The following KCNH3 variants were observed in gnomAD, a reference collection of about 807,000 sequenced individuals.
The protein encoded by KCNH3 is potassium voltage-gated channel subfamily H member 3.
Under a neutral mutation model 95.6 loss-of-function variants are expected in KCNH3, and 36 were observed. The ratio of observed to expected loss-of-function variants is 0.38; its 90% CI spans 0.29 to 0.50. The LOEUF (loss-of-function observed/expected upper bound fraction) is 0.50. KCNH3 is among the 20% of genes least tolerant of loss of function. The pLI is 0.95. For missense variants in KCNH3, 1,030 were observed against 1,484.1 expected, an observed-to-expected ratio of 0.69 and a Z score of 5.03; for synonymous variants, 620 against 646.3, an observed-to-expected ratio of 0.96 and a Z score of 0.62.
Position 49,550,154 on chromosome 12 carries a change from A to G in KCNH3, c.1743A>G (p.Pro581=). ...MHLHKEVLQL[P]LFEAASRGCL... ...TGCACAAGGAGGTCCTGCAGCTGCC[A>G]CTGTTTGAGGCGGCCAGCCGCGGCT... Residue 581 remains proline, a synonymous_variant, in exon 10 of 15, where the codon CCA becomes CCG. Transcript: ENST00000257981. 6.3e-7 allele frequency: 1 copy of G among 1,593,328 alleles called. No homozygotes were observed. The highest frequency in any genetic ancestry group is 1.3e-5 in the African/African-American group (1 of 74,280).
In KCNH3 at chr12:49,555,817, T is replaced by C; in HGVS notation, c.2334T>C (p.Arg778=). The change falls in exon 12 of 15, where the codon CGT becomes CGC. Residue 778 remains arginine, a synonymous_variant. Transcript: ENST00000257981. ...LSPRRTAPRP[R]LGGRGRPGRA... is the part of the protein sequence containing the mutation. The stretch of plus-strand genomic sequence containing the variant: ...CACGTCGAACAGCACCCCGGCCTCG[T>C]CTAGGTGGCAGAGGGAGGCCAGGCA... 6.2e-7 allele frequency: 1 copy of C among 1,613,434 alleles called. No homozygotes were observed. The highest frequency in any genetic ancestry group is 8.5e-7 in the Non-Finnish European group (1 of 1,179,870).
intron 10 of KCNH3, among the ~76,000 whole-genome samples, chr12:49,552,892 A>C (rs1251433089): frequency 6.6e-6 from 1 of 152,244 alleles, no homozygotes; most frequent in African/African-American, 2.4e-5. Context: ...CCTGAAACCA[A>C]GAAAATCAAG....
rs374616553 is a variant in KCNH3, at chr12:49,541,289, C to T, written c.310+157C>T. On this transcript the variant is annotated intron_variant, in intron 2 of 14. Coordinates refer to ENST00000257981, the MANE Select transcript of KCNH3 (RefSeq NM_012284.3). ...CCCCATCCAACCCCTCTTGCTCCAT[C>T]CCACCTCTTGCCCCGGCTCCCCATC... Among the ~76,000 whole-genome samples the T allele has an allele frequency of 5.0e-4, 76 of 152,332 alleles. 1 individual carries two copies. The highest frequency in any genetic ancestry group is 1.7e-3 in the African/African-American group (72 of 41,572).
chr12:49,547,334 C>T (rs1442192684), intron 7 of KCNH3, among the ~76,000 whole-genome samples: 2 of 152,232 alleles, frequency 1.3e-5, no homozygotes, highest in Non-Finnish European at 2.9e-5. Context: ...TCTAGCCAAA[C>T]TCAGCTACTT....
At chr12:49,542,148 G>C (rs932419619) in intron 3 of KCNH3, among the ~76,000 whole-genome samples, 23 of 152,304 alleles carry the variant, frequency 1.5e-4, no homozygotes, top group African/African-American at 5.5e-4. Flanking sequence ...TAAGTTCTTC[G>C]AGTCTTTCCC....
Position 49,549,518 on chromosome 12 carries a change from A to G in KCNH3, c.1546A>G (p.Ser516Gly), listed in dbSNP as rs1938186199. 1 of 1,613,608 alleles carries G rather than the reference A, an allele frequency of 6.2e-7. No individual in the cohort carries two copies. The highest frequency in any genetic ancestry group is 1.3e-5 in the African/African-American group (1 of 74,940). Residue 516 changes from serine to glycine, a missense_variant, in exon 9 of 15, where the codon AGC (serine) becomes GGC (glycine). This residue lies in a region of KCNH3 where 160 missense variants were observed against 316.2 expected (regional missense o/e 0.51). Transcript: ENST00000257981. ...RMYARRFLYHSRTRDLRDYIR... is the reference protein window; with the variant it reads ...RMYARRFLYHGRTRDLRDYIR... ...GTACGCCCGCCGCTTTCTGTACCAC[A>G]GCCGCACGCGCGACCTGCGCGACTA...
chr12:49,553,220 C>G (rs907477085), intron 10 of KCNH3, among the ~76,000 whole-genome samples: 5 of 151,980 alleles, frequency 3.3e-5, no homozygotes, highest in Admixed American at 2.0e-4. Flanking sequence ...ACTGCAGCCT[C>G]GACCTACTGG....
chr12:49,555,492 G>A, intron 11 of KCNH3, 128 bp from the exon 12 acceptor site: 1 of 513,224 alleles, frequency 1.9e-6, no homozygotes. Context: ...CCTTCAGTTA[G>A]AATAGATGTT....
In KCNH3 at chr12:49,544,266, T is replaced by G; in HGVS notation, c.1073T>G (p.Val358Gly). The G allele has an allele frequency of 6.2e-7, 1 of 1,609,024 alleles. No homozygotes were observed. The highest frequency in any genetic ancestry group is 8.5e-7 in the Non-Finnish European group (1 of 1,178,868). Residue 358 changes from valine to glycine, a missense_variant, in exon 7 of 15, where the codon GTG becomes GGG. Val to Gly is a moderately radical substitution (Grantham distance 109, BLOSUM62 -3). Around this residue, in one of 9 missense-constraint regions of KCNH3, gnomAD observed 153 missense variants for 288.5 expected, o/e 0.53. Transcript: ENST00000257981. ...GACCGGTACTCGCAGTACAGCGCCG[T>G]GGTGCTGACACTGCTCATGGCCGTG... is the stretch of plus-strand genomic sequence containing the variant. The part of the protein sequence containing the change: ...RLDRYSQYSA[V>G]VLTLLMAVFA...
intron 10 of KCNH3, among the ~76,000 whole-genome samples, 168 bp from the exon 11 acceptor site, chr12:49,554,169 C>T (rs17123764): frequency 0.087 from 13,247 of 152,256 alleles, 668 homozygotes; most frequent in African/African-American, 0.14. Flanking sequence ...AGGCTGCAGG[C>T]GTCAGGCCAT....
chr12:49,556,054 C>G, intron 12 of KCNH3, 103 bp downstream of exon 12: 2 of 644,138 alleles, frequency 3.1e-6, no homozygotes, highest in Non-Finnish European at 5.4e-6. Context: ...TCTTAACTCC[C>G]GCTAGTCTAT....
Position 49,557,341 on chromosome 12 carries a change from C to T in KCNH3, c.2653-13C>T, listed in dbSNP as rs375459076. The T allele has an allele frequency of 6.2e-7, 1 of 1,610,116 alleles. No homozygotes were observed. Among genetic ancestry groups the T allele is most frequent in the African/African-American group, 1.3e-5 (1 of 74,984 alleles). ...TGACTCCATTCTGACCTCGCCTCCT[C>T]CCTCCCCCAAAGGTGACAGAGCTGT... On this transcript the variant is annotated splice_polypyrimidine_tract_variant and intron_variant, in intron 14 of 14. Transcript: ENST00000257981.
At position 49,542,794 on chromosome 12, in the gene KCNH3, C is replaced by T. The variant is rs765060169; in HGVS notation, c.534C>T (p.Ser178=). The T allele has an allele frequency of 1.2e-5, 20 of 1,601,638 alleles. No homozygotes were observed. The highest frequency in any genetic ancestry group is 2.7e-5 in the African/African-American group (2 of 74,874). ...GCCGGGCCGTGCTCTACCACCTGTC[C>T]GGGCACCTGCAGAAGCAGCCCAAGG... ...RRSRAVLYHL[S]GHLQKQPKGK... Residue 178 remains serine, a synonymous_variant, in exon 4 of 15, where the codon TCC becomes TCT. Coordinates refer to ENST00000257981, the MANE Select transcript of KCNH3 (RefSeq NM_012284.3).
chr12:49,556,421 T>C lies in KCNH3; in HGVS notation c.2520T>C (p.Ser840=), dbSNP rs143614870. The C allele has an allele frequency of 4.8e-4, 771 of 1,614,078 alleles. 4 individuals carry two copies. The African/African-American group carries it at 8.5e-3, about 18-fold the overall frequency. ...DGCGSDQPKF[S]FRVGQSGPEC... is the part of the protein sequence containing the mutation. ...GTGGCTCGGACCAGCCCAAGTTCTC[T>C]TTCCGCGTGGGCCAGTCTGGCCCGG... Residue 840 remains serine (S), a synonymous_variant, in exon 13 of 15, where the codon TCT becomes TCC. Coordinates refer to ENST00000257981, the MANE Select transcript of KCNH3 (RefSeq NM_012284.3).
chr12:49,555,508 T>G (rs1221856085), intron 11 of KCNH3, 112 bp from the exon 12 acceptor site: 2 of 581,480 alleles, frequency 3.4e-6, no homozygotes, highest in African/African-American at 1.9e-5. Context: ...ATGTTGGCTA[T>G]TCTAACAAAG....
At chr12:49,549,310 G>A in intron 8 of KCNH3, 131 bp from the exon 9 acceptor site, 1 of 1,455,458 alleles carries the variant, frequency 6.9e-7, no homozygotes, top group Non-Finnish European at 9.3e-7. Flanking sequence ...GCCGGGGGTG[G>A]GGGAGACTTC....
intron 3 of KCNH3, among the ~76,000 whole-genome samples, 193 bp from the exon 4 acceptor site, chr12:49,542,513 T>C (rs554878371): frequency 6.6e-6 from 1 of 152,356 alleles, no homozygotes. Flanking sequence ...TAAACACTCC[T>C]AGGACTGCCC....
At chr12:49,550,047 A>ACCCCCCC in intron 9 of KCNH3, 33 bp from the exon 10 acceptor site, 64 of 539,766 alleles carry the variant, frequency 1.2e-4, no homozygotes, top group Non-Finnish European at 1.8e-4. Flanking sequence ...TGCCACTCCC[A>ACCCCCCC]ACCCCCCCAC....
chr12:49,549,621 A>G lies in KCNH3; in HGVS notation c.1649A>G (p.Asn550Ser), dbSNP rs750500026. The stretch of plus-strand genomic sequence containing the variant: ...TTCCAGGCCACCTGGGCGGTGAACA[A>G]TGGCATCGACACCACCGAGGTGCGG... ...EYFQATWAVN[N>S]GIDTTELLQS... The change falls in exon 9 of 15, where the codon AAT becomes AGT. Residue 550 changes from asparagine (N) to serine (S), a missense_variant. This residue lies in a region of KCNH3 where 160 missense variants were observed against 316.2 expected (regional missense o/e 0.51). Coordinates refer to ENST00000257981, the MANE Select transcript of KCNH3 (RefSeq NM_012284.3). 37 of 1,610,212 alleles carry G rather than the reference A, an allele frequency of 2.3e-5. No individual in the cohort carries two copies. The highest frequency in any genetic ancestry group is 2.9e-5 in the Non-Finnish European group (34 of 1,179,948).
Sources: gnomAD v4.1 joint callset for allele counts (sites outside exome capture counted in the v4.1 genomes callset) on GRCh38, gnomAD v4.1.1 for gene constraint, gnomAD v4.1.1 regional missense constraint, MANE v1.5 for transcripts, NCBI Gene and HGNC (gene_info 2026-07-23, HGNC 2026-07-21) for gene names.